STAC: variants seen among roughly 807,000 people sequenced by gnomAD.
STAC encodes SH3 and cysteine-rich domain-containing protein.
STAC carries 43 observed loss-of-function variants against 48.8 expected under a neutral mutation model. That is an observed-to-expected ratio of 0.88 (90% CI 0.69 to 1.14). The LOEUF (loss-of-function observed/expected upper bound fraction) is 1.14, where lower values mean the gene tolerates loss of function less well. STAC is among the 50% of genes most tolerant of loss of function. STAC has a pLI of 0.00. For missense variants in STAC, 497 were observed against 504.0 expected, an observed-to-expected ratio of 0.99 and a Z score of 0.13; for synonymous variants, 193 against 179.5, an observed-to-expected ratio of 1.07 and a Z score of -0.60.
At chr3:36,387,431 A>G (rs1465290876) in intron 1 of STAC, among the ~76,000 whole-genome samples, 1 of 152,058 alleles carries the variant, frequency 6.6e-6, no homozygotes, top group African/African-American at 2.4e-5. Context: ...TCTCCAGAAC[A>G]TCTTTATCAT....
At chr3:36,404,728 G>A (rs184380931) in intron 1 of STAC, among the ~76,000 whole-genome samples, 2 of 150,366 alleles carry the variant, frequency 1.3e-5, no homozygotes, top group East Asian at 4.0e-4. Flanking sequence ...ACACATTCAT[G>A]TAAAAAATAT....
At chr3:36,531,339 C>T (rs985763457) in intron 10 of STAC, among the ~76,000 whole-genome samples, 9 of 152,066 alleles carry the variant, frequency 5.9e-5, no homozygotes, top group African/African-American at 1.7e-4. Flanking sequence ...GCACAAACAA[C>T]GGAAGTGATT....
intron 1 of STAC, among the ~76,000 whole-genome samples, chr3:36,419,119 G>A (rs79319818): frequency 1.3e-5 from 2 of 150,054 alleles, no homozygotes; most frequent in African/African-American, 2.4e-5. Flanking sequence ...TAACATAATT[G>A]TTTAAACTTC....
At chr3:36,440,653 A>T (rs1696319131) in intron 1 of STAC, among the ~76,000 whole-genome samples, 1 of 152,244 alleles carries the variant, frequency 6.6e-6, no homozygotes, top group Non-Finnish European at 1.5e-5. Context: ...GTGGGAAACT[A>T]GGCTCCACTT....
intron 1 of STAC, among the ~76,000 whole-genome samples, chr3:36,405,968 ATGCCTC>A (rs1700080795): frequency 1.3e-5 from 2 of 152,082 alleles, no homozygotes; most frequent in African/African-American, 4.8e-5. Context: ...AGCAATTCTC[ATGCCTC>A]AGCCTCCCAA....
intron 6 of STAC, among the ~76,000 whole-genome samples, chr3:36,500,433 TG>T (rs1186490225): frequency 6.6e-6 from 1 of 151,958 alleles, no homozygotes; most frequent in African/African-American, 2.4e-5. Context: ...CAACACACAC[TG>T]GGGCCCGTCA....
intron 1 of STAC, among the ~76,000 whole-genome samples, chr3:36,396,725 C>A (rs1440112748): frequency 1.3e-5 from 2 of 152,210 alleles, no homozygotes; most frequent in African/African-American, 4.8e-5. Flanking sequence ...AACAGCGTTG[C>A]AAATGCTTTG....
In STAC at chr3:36,438,623, C is replaced by T. The variant is rs74603232; in HGVS notation, c.112-4741C>T. Among the ~76,000 whole-genome samples, 773 of 152,304 alleles carry T rather than the reference C, an allele frequency of 5.1e-3. 9 individuals carry two copies. Among genetic ancestry groups the T allele is most frequent in the African/African-American group, 0.018 (746 of 41,554 alleles). ...ACATTAACTTCCAAAACAAATTCTC[C>T]AGCTCTAGAGGCAGGCAGGGTCCGA... On this transcript the variant is annotated intron_variant, in intron 1 of 10. Transcript: ENST00000273183.
intron 1 of STAC, among the ~76,000 whole-genome samples, chr3:36,420,012 T>C (rs1012757637): frequency 3.3e-5 from 5 of 152,234 alleles, no homozygotes; most frequent in Non-Finnish European, 7.3e-5. Context: ...TTCTTTGCCA[T>C]ATGAACTTTT....
chr3:36,412,404 G>C (rs1019397098), intron 1 of STAC, among the ~76,000 whole-genome samples: 3 of 152,086 alleles, frequency 2.0e-5, no homozygotes, highest in African/African-American at 7.2e-5. Flanking sequence ...AGGAAAGCTG[G>C]ATACATTGCT....
intron 10 of STAC, among the ~76,000 whole-genome samples, chr3:36,532,902 G>A (rs945144798): frequency 2.0e-5 from 3 of 152,074 alleles, no homozygotes; most frequent in Non-Finnish European, 2.9e-5. Context: ...CAGACACACT[G>A]TATAAATAAA....
intron 1 of STAC, among the ~76,000 whole-genome samples, chr3:36,432,522 T>G (rs909864970): frequency 6.6e-6 from 1 of 152,010 alleles, no homozygotes; most frequent in African/African-American, 2.4e-5. Context: ...GCCAACATGG[T>G]GAAACTCCGT....
At chr3:36,528,591 T>G (rs538612673) in intron 8 of STAC, 105 bp from the exon 9 acceptor site, 19 of 929,364 alleles carry the variant, frequency 2.0e-5, no homozygotes, top group Non-Finnish European at 2.8e-5. Flanking sequence ...TATTTCTATT[T>G]CTTTTAAGAC....
intron 8 of STAC, among the ~76,000 whole-genome samples, chr3:36,514,190 T>C (rs1329124499): frequency 7.2e-6 from 1 of 139,134 alleles, no homozygotes; most frequent in Non-Finnish European, 1.5e-5. Context: ...CTCTGATCCA[T>C]CTACACTGGC....
intron 8 of STAC, among the ~76,000 whole-genome samples, chr3:36,512,454 T>C (rs993083641): frequency 1.3e-5 from 2 of 152,300 alleles, no homozygotes; most frequent in East Asian, 1.9e-4. Context: ...TTTGGGTGTG[T>C]AACATTTAAG....
intron 8 of STAC, among the ~76,000 whole-genome samples, chr3:36,516,488 A>C (rs889532517): frequency 6.6e-6 from 1 of 152,096 alleles, no homozygotes; most frequent in African/African-American, 2.4e-5. Flanking sequence ...GTGCAAAATA[A>C]ACTTCCTTTA....
intron 6 of STAC, among the ~76,000 whole-genome samples, 196 bp from the exon 7 acceptor site, chr3:36,504,197 A>C (rs775546866): frequency 2.0e-5 from 3 of 152,238 alleles, no homozygotes; most frequent in African/African-American, 4.8e-5. Context: ...AAGGTGGTGC[A>C]GAATGCTGCA....
At chr3:36,478,040 T>C (rs1342992281) in intron 2 of STAC, among the ~76,000 whole-genome samples, 1 of 152,256 alleles carries the variant, frequency 6.6e-6, no homozygotes, top group Non-Finnish European at 1.5e-5. Flanking sequence ...ACCACTTTTG[T>C]CCTCTTTCAT....
At chr3:36,425,498 G>C (rs1700542308) in intron 1 of STAC, among the ~76,000 whole-genome samples, 1 of 152,160 alleles carries the variant, frequency 6.6e-6, no homozygotes, top group Non-Finnish European at 1.5e-5. Flanking sequence ...TCCTGGATTG[G>C]ATCCTGGACC....
Sources: gnomAD v4.1 joint callset for allele counts (sites outside exome capture counted in the v4.1 genomes callset) on GRCh38, gnomAD v4.1.1 for gene constraint, MANE v1.5 for transcripts, NCBI Gene and HGNC (gene_info 2026-07-23, HGNC 2026-07-21) for gene names.